The following CALN1 variants were observed in gnomAD, a reference collection of about 807,000 sequenced individuals.
CALN1 encodes the protein calcium-binding protein 8.
Under a neutral mutation model 30.6 loss-of-function variants are expected in CALN1, and 17 were observed. That is an observed-to-expected ratio of 0.56 (90% confidence interval 0.38 to 0.83). The LOEUF (loss-of-function observed/expected upper bound fraction) is 0.83, where lower values mean the gene tolerates loss of function less well. Ranked by LOEUF, CALN1 falls within the 40% of genes least tolerant of loss-of-function variation. The probability of loss-of-function intolerance (pLI) is 0.00; values close to 1 mark genes in which losing one functional copy is unlikely to be tolerated. For missense variants in CALN1, 291 were observed against 354.9 expected (o/e 0.82, Z 1.45); for synonymous variants, 156 against 131.4 (o/e 1.19, Z -1.28).
upstream of CALN1, among the ~76,000 whole-genome samples, chr7:72,450,463 T>C (rs1187783277): frequency 6.6e-6 from 1 of 152,196 alleles, no homozygotes; most frequent in East Asian, 1.9e-4. Flanking sequence ...CAACAGAGGA[T>C]GGCACAGCAC....
chr7:71,801,638 T>G (rs1787321757), intron 6 of CALN1, among the ~76,000 whole-genome samples: 1 of 151,962 alleles, frequency 6.6e-6, no homozygotes, highest in South Asian at 2.1e-4. Flanking sequence ...ATGCAATGTG[T>G]TCATATTAGG....
intron 4 of CALN1, among the ~76,000 whole-genome samples, chr7:72,095,111 T>TA (rs1806129241): frequency 6.6e-6 from 1 of 152,188 alleles, no homozygotes; most frequent in Non-Finnish European, 1.5e-5. Flanking sequence ...GTTAAGATCT[T>TA]AGAGTCATAT....
intron 5 of CALN1, among the ~76,000 whole-genome samples, chr7:71,843,901 T>G (rs1004569359): frequency 6.6e-6 from 1 of 152,070 alleles, no homozygotes; most frequent in East Asian, 1.9e-4. Flanking sequence ...CTACATAGTG[T>G]GCTTGATTTT....
chr7:72,422,388 G>A (rs1413820681), intron 1 of CALN1, among the ~76,000 whole-genome samples: 3 of 152,154 alleles, frequency 2.0e-5, no homozygotes, highest in Non-Finnish European at 4.4e-5. Context: ...TAGTGATGTT[G>A]AGATTTTTGA....
intron 2 of CALN1, among the ~76,000 whole-genome samples, chr7:72,326,044 C>T (rs761348273): frequency 6.6e-6 from 1 of 152,086 alleles, no homozygotes; most frequent in East Asian, 1.9e-4. Context: ...CCAGGATTAC[C>T]GGTGCCCGCC....
intron 3 of CALN1, among the ~76,000 whole-genome samples, chr7:72,153,520 T>C (rs145465196): frequency 8.9e-6 from 1 of 112,418 alleles, no homozygotes; most frequent in Non-Finnish European, 2.1e-5. Context: ...CTCTACAAAA[T>C]TAAAAAAAAA....
At chr7:72,408,270 T>TTA (rs1554403063) in intron 1 of CALN1, among the ~76,000 whole-genome samples, 56 of 129,446 alleles carry the variant, frequency 4.3e-4, no homozygotes, top group African/African-American at 1.5e-3. Flanking sequence ...CCATCTCTAT[T>TTA]AAAAAAAAAA....
At chr7:72,029,317 T>C (rs777065058) in intron 4 of CALN1, among the ~76,000 whole-genome samples, 1 of 152,024 alleles carries the variant, frequency 6.6e-6, no homozygotes, top group African/African-American at 2.4e-5. Flanking sequence ...TTCACTGTAT[T>C]AGCCAGTGAA....
intron 3 of CALN1, among the ~76,000 whole-genome samples, chr7:72,234,726 G>C (rs945793514): frequency 6.6e-6 from 1 of 151,998 alleles, no homozygotes; most frequent in Admixed American, 6.6e-5. Flanking sequence ...GACTACAGGC[G>C]TGAGCCACCG....
intron 4 of CALN1, among the ~76,000 whole-genome samples, chr7:72,088,405 A>C (rs576748165): frequency 6.6e-6 from 1 of 152,074 alleles, no homozygotes; most frequent in Non-Finnish European, 1.5e-5. Flanking sequence ...CCTTCAAAAG[A>C]AAAGGGTTAT....
intron 4 of CALN1, among the ~76,000 whole-genome samples, chr7:72,092,533 G>A (rs536201967): frequency 1.4e-5 from 2 of 147,096 alleles, no homozygotes; most frequent in Admixed American, 1.4e-4. Context: ...AATGTGTAGA[G>A]TCTCCCATAA....
chr7:72,348,958 G>A (rs1305050541), intron 2 of CALN1, among the ~76,000 whole-genome samples: 1 of 151,586 alleles, frequency 6.6e-6, no homozygotes, highest in Non-Finnish European at 1.5e-5. Context: ...GGGCTTTCGA[G>A]CAGCTATTAG....
At chr7:72,118,725 G>A (rs747314185) in intron 3 of CALN1, among the ~76,000 whole-genome samples, 1 of 152,098 alleles carries the variant, frequency 6.6e-6, no homozygotes, top group African/African-American at 2.4e-5. Flanking sequence ...ATCACTGGAG[G>A]GTCTCCATAC....
At chr7:72,501,956 T>TATATATATATAAATATATATACACACAC in the CALN1 span, among the ~76,000 whole-genome samples, 5 of 103,256 alleles carry the variant, frequency 4.8e-5, no homozygotes, top group Admixed American at 2.1e-4. Context: ...TATACACACA[T>TATATATATATAAATATATATACACACAC]ATATATATAT....
chr7:72,380,752 G>T (rs1804850442), intron 2 of CALN1, among the ~76,000 whole-genome samples: 1 of 152,128 alleles, frequency 6.6e-6, no homozygotes, highest in African/African-American at 2.4e-5. Flanking sequence ...TAGTGTTAAA[G>T]TTTGCTTGAG....
chr7:72,080,767 T>G (rs1805082612), intron 4 of CALN1, among the ~76,000 whole-genome samples: 1 of 152,170 alleles, frequency 6.6e-6, no homozygotes. Context: ...CAGAGGTACC[T>G]GGAATGGGAA....
At chr7:71,981,649 CCT>C (rs1252408415) in intron 5 of CALN1, among the ~76,000 whole-genome samples, 1 of 150,584 alleles carries the variant, frequency 6.6e-6, no homozygotes, top group Non-Finnish European at 1.5e-5. Flanking sequence ...AGAGCGAGAC[CCT>C]GTCTGAAATG....
At chr7:72,007,329 T>C (rs1186471258) in intron 5 of CALN1, among the ~76,000 whole-genome samples, 1 of 152,182 alleles carries the variant, frequency 6.6e-6, no homozygotes, top group Non-Finnish European at 1.5e-5. Context: ...GCAGATTACC[T>C]GAGGTTAGGA....
intron 4 of CALN1, among the ~76,000 whole-genome samples, chr7:72,088,401 A>G (rs976688185): frequency 6.6e-6 from 1 of 152,128 alleles, no homozygotes; most frequent in African/African-American, 2.4e-5. Context: ...TAGACCTTCA[A>G]AAGAAAAGGG....
Sources: gnomAD v4.1 joint callset for allele counts (sites outside exome capture counted in the v4.1 genomes callset) on GRCh38, gnomAD v4.1.1 for gene constraint, MANE v1.5 for transcripts, NCBI Gene and HGNC (gene_info 2026-07-23, HGNC 2026-07-21) for gene names.